Variants in CAMK1 observed in about 807,000 individuals in gnomAD.
The protein encoded by CAMK1 is calcium/calmodulin-dependent protein kinase type 1.
In CAMK1, 39 loss-of-function variants were observed where a neutral mutation model predicts 49.1. The ratio of observed to expected loss-of-function variants is 0.79; its 90% CI spans 0.62 to 1.04. The LOEUF (loss-of-function observed/expected upper bound fraction) is 1.04, where lower values mean the gene tolerates loss of function less well. CAMK1 is among the 50% of genes least tolerant of loss of function. The probability of loss-of-function intolerance (pLI) is 0.00; values close to 1 mark genes in which losing one functional copy is unlikely to be tolerated. For synonymous variants in CAMK1, 192 were observed against 185.2 expected, an observed-to-expected ratio of 1.04 and a Z score of -0.30; for missense variants, 457 against 472.2, an observed-to-expected ratio of 0.97 and a Z score of 0.30.
intron 1 of CAMK1, among the ~76,000 whole-genome samples, 181 bp downstream of exon 1, chr3:9,769,651 C>T (rs1027705294): frequency 6.6e-6 from 1 of 152,212 alleles, no homozygotes; most frequent in Non-Finnish European, 1.5e-5. Flanking sequence ...CCCATAGGCC[C>T]GCCTGGCACC....
intron 10 of CAMK1, 103 bp downstream of exon 10, chr3:9,759,385 C>T: frequency 6.4e-7 from 1 of 1,565,918 alleles, no homozygotes; most frequent in Non-Finnish European, 8.8e-7. Context: ...TAAGCAGTTA[C>T]TGTGTGCCCA....
Position 9,763,163 on chromosome 3 carries a change from C to T in CAMK1, c.266G>A (p.Gly89Asp). The change falls in exon 4 of 12, where the codon GGC (glycine) becomes GAC (aspartate). Residue 89 changes from glycine to aspartate, a missense_variant. By Grantham distance (94) the Gly-to-Asp change is moderately conservative. Transcript: ENST00000256460. The part of the protein sequence containing the change: ...VALDDIYESG[G>D]HLYLIMQLVS... ...CAGCTGCATGATGAGGTAGAGGTGGCCCCCACTCTCATAGATGTCATCCAG... is the reference window on the plus strand; with the variant it reads ...CAGCTGCATGATGAGGTAGAGGTGGTCCCCACTCTCATAGATGTCATCCAG... 1 of 1,614,010 alleles carries T rather than the reference C, an allele frequency of 6.2e-7. No individual in the cohort carries two copies. Among genetic ancestry groups the T allele is most frequent in the Non-Finnish European group, 8.5e-7 (1 of 1,180,006 alleles).
intron 7 of CAMK1, chr3:9,760,991 T>C: frequency 1.8e-6 from 1 of 559,544 alleles, no homozygotes; most frequent in Non-Finnish European, 3.1e-6. Context: ...CACTTGCCAT[T>C]GCTTCTGCCT....
Position 9,760,776 on chromosome 3 carries a change from G to T in CAMK1, c.633-8C>A. The T allele has an allele frequency of 6.2e-7, 1 of 1,613,944 alleles. No homozygotes were observed. Among genetic ancestry groups the T allele is most frequent in the Non-Finnish European group, 8.5e-7 (1 of 1,179,880 alleles). ...GGAGGGTAACCGCAGAGCCTGGGCA[G>T]GGAGAAACTCATCCTCATTTCCACT... On this transcript the variant is annotated splice_polypyrimidine_tract_variant and splice_region_variant and intron_variant, in intron 7 of 11. Transcript: ENST00000256460.
At chr3:9,765,419 A>G (rs986143548) in intron 3 of CAMK1, among the ~76,000 whole-genome samples, 5 of 152,074 alleles carry the variant, frequency 3.3e-5, no homozygotes, top group Non-Finnish European at 5.9e-5. Flanking sequence ...TGGTTTTAAT[A>G]TGTGAGGGGA....
intron 8 of CAMK1, 30 bp from the exon 9 acceptor site, chr3:9,759,780 T>C (rs779230011): frequency 6.2e-7 from 1 of 1,614,036 alleles, no homozygotes; most frequent in East Asian, 2.2e-5. Flanking sequence ...GCAAAGATAA[T>C]GACAGCATGG....
chr3:9,757,561 G>A lies in CAMK1; in HGVS notation c.1091C>T (p.Pro364Leu). ...CCVEPGTELS[P>L]TLPHQL Reference sequence around the variant, plus strand: ...GCCCTAGAGCTGGTGGGGCAGTGTGGGGGACAGTTCTGTGCCCGGCTCCAC... The same window carrying A: ...GCCCTAGAGCTGGTGGGGCAGTGTGAGGGACAGTTCTGTGCCCGGCTCCAC... Residue 364 changes from proline (P) to leucine (L), a missense_variant, in exon 12 of 12, where the codon CCC (proline) becomes CTC (leucine). Physicochemically the swap from Pro to Leu is moderately conservative, Grantham distance 98. Transcript: ENST00000256460. The surrounding 1 kb of genome is among the most constrained non-coding windows in gnomAD (Gnocchi z 4.5). The A allele has an allele frequency of 6.2e-7, 1 of 1,614,026 alleles. No homozygotes were observed. Among genetic ancestry groups the A allele is most frequent in the Non-Finnish European group, 8.5e-7 (1 of 1,179,968 alleles).
At position 9,759,539 on chromosome 3, in the gene CAMK1, G is replaced by A. The variant is rs748459644; in HGVS notation, c.861C>T (p.His287=). Residue 287 remains histidine, a synonymous_variant, in exon 10 of 12, where the codon CAC becomes CAT. Transcript: ENST00000256460. ...AGDTALDKNI[H]QSVSEQIKKN... ...TCTTGATCTGCTCACTCACCGACTG[G>A]TGGATATTCTTATCTAGAGCTGTAT... 1 of 1,614,028 alleles carries A rather than the reference G, an allele frequency of 6.2e-7. No homozygotes were observed. Among genetic ancestry groups the A allele is most frequent in the African/African-American group, 1.3e-5 (1 of 74,916 alleles).
chr3:9,759,087 C>T, intron 10 of CAMK1: 5 of 986,612 alleles, frequency 5.1e-6, no homozygotes, highest in South Asian at 2.6e-5. Context: ...CTCTCAGTCC[C>T]CTCAGCCCCT....
intron 2 of CAMK1, among the ~76,000 whole-genome samples, 197 bp downstream of exon 2, chr3:9,767,470 C>G (rs1047301606): frequency 4.6e-5 from 7 of 152,208 alleles, no homozygotes; most frequent in Non-Finnish European, 8.8e-5. Flanking sequence ...TTCAAGAACC[C>G]AGGGCTATTG....
Position 9,765,762 on chromosome 3 carries a change from T to G in CAMK1, c.212A>C (p.His71Pro). 6.2e-7 allele frequency: 1 copy of G among 1,613,998 alleles called. No homozygotes were observed. The highest frequency in any genetic ancestry group is 1.3e-5 in the African/African-American group (1 of 75,068). ...GSMENEIAVL[H>P]KIKHPNIVAL... is the part of the protein sequence containing the mutation. ...GGAAAGGCTGTGGCCCACGCACTTG[T>G]GCAGGACAGCAATCTCATTCTCCAT... Residue 71 changes from histidine to proline, a missense_variant, in exon 3 of 12, where the codon CAC (histidine) becomes CCC (proline). Physicochemically the swap from His to Pro is moderately conservative, Grantham distance 77. Coordinates refer to ENST00000256460, the MANE Select transcript of CAMK1 (RefSeq NM_003656.5).
intron 7 of CAMK1, chr3:9,761,206 C>T: frequency 4.5e-6 from 2 of 440,718 alleles, no homozygotes; most frequent in Non-Finnish European, 8.1e-6. Flanking sequence ...GTCTTCCCTA[C>T]TAGAAAGAAA....
chr3:9,760,612 A>G (rs1320468946), intron 8 of CAMK1, 44 bp downstream of exon 8: 1 of 1,606,158 alleles, frequency 6.2e-7, no homozygotes, highest in Non-Finnish European at 8.5e-7. Context: ...GTGAGGGAGG[A>G]ACCAGAGGCA....
chr3:9,761,464 A>G lies in CAMK1; in HGVS notation c.629T>C (p.Ile210Thr). 4 of 1,611,170 alleles carry G rather than the reference A, an allele frequency of 2.5e-6. No individual in the cohort carries two copies. The highest frequency in any genetic ancestry group is 3.4e-6 in the Non-Finnish European group (4 of 1,178,484). Residue 210 changes from isoleucine to threonine, a missense_variant, in exon 7 of 12, where the codon ATC becomes ACC. Coordinates refer to ENST00000256460, the MANE Select transcript of CAMK1 (RefSeq NM_003656.5). ...ACCATGGCCAAGCCCCACTTACAAG[A>G]TGTAGGCGATGACACCTATGGACCA... Reference protein sequence around the residue: ...DCWSIGVIAYILLCGYPPFYD... With the variant: ...DCWSIGVIAYTLLCGYPPFYD...
Position 9,757,651 on chromosome 3 carries a change from G to A in CAMK1, c.1031-30C>T, listed in dbSNP as rs2304276. The stretch of plus-strand genomic sequence containing the variant: ...ATGGGAAGACAGAACAGAGGTGGCC[G>A]CAGGGGCAGGCCCTCCACTCCAGCC... On this transcript the variant is annotated intron_variant, in intron 11 of 11. Coordinates refer to ENST00000256460, the MANE Select transcript of CAMK1 (RefSeq NM_003656.5). The surrounding 1 kb of genome is among the most constrained non-coding windows in gnomAD (Gnocchi z 4.5). 1.6e-4 allele frequency: 259 copies of A among 1,614,052 alleles called. 3 individuals carry two copies. In the East Asian group the frequency reaches 5.3e-3, roughly 33 times the overall value.
chr3:9,765,043 A>T (rs933513923), intron 3 of CAMK1, among the ~76,000 whole-genome samples: 1 of 151,868 alleles, frequency 6.6e-6, no homozygotes, highest in Non-Finnish European at 1.5e-5. Flanking sequence ...CCTGGCCAAC[A>T]TGGCGAAACC....
intron 2 of CAMK1, 189 bp from the exon 3 acceptor site, chr3:9,766,079 T>C: frequency 6.5e-7 from 1 of 1,546,762 alleles, no homozygotes; most frequent in African/African-American, 1.4e-5. Context: ...CAAAGTAGTC[T>C]CTCCCCTGGC....
intron 7 of CAMK1, 49 bp downstream of exon 7, chr3:9,761,412 G>T: frequency 6.4e-7 from 1 of 1,562,556 alleles, no homozygotes; most frequent in South Asian, 1.2e-5. Context: ...GAAAGTAGGC[G>T]AGAGGACAAC....
chr3:9,760,426 C>A (rs556118437), intron 8 of CAMK1: 1 of 473,308 alleles, frequency 2.1e-6, no homozygotes, highest in East Asian at 3.9e-5. Context: ...TTCAAATAGA[C>A]TATGTTTGAA....
Sources: gnomAD v4.1 joint callset for allele counts (sites outside exome capture counted in the v4.1 genomes callset) on GRCh38, gnomAD v4.1.1 for gene constraint, Gnocchi (gnomAD v3.1) non-coding constraint, MANE v1.5 for transcripts, NCBI Gene and HGNC (gene_info 2026-07-23, HGNC 2026-07-21) for gene names.